CNOT1: variants seen among roughly 807,000 people sequenced by gnomAD.
CNOT1 encodes the protein CCR4-NOT transcription complex subunit 1.
In CNOT1, 15 loss-of-function variants were observed where a neutral mutation model predicts 273.8. The ratio of observed to expected loss-of-function variants is 0.05; its 90% CI spans 0.04 to 0.08. The LOEUF (loss-of-function observed/expected upper bound fraction) is 0.08, where lower values mean the gene tolerates loss of function less well. Among genes scored for constraint, CNOT1 ranks in the 10% least tolerant of loss-of-function variants. The pLI is 1.00. For synonymous variants in CNOT1, 1,022 were observed against 1,005.5 expected (o/e 1.02, Z -0.31); for missense variants, 1,644 against 2,912.2 (o/e 0.56, Z 10.02).
At chr16:58,557,483 T>G (rs2040669982) in intron 18 of CNOT1, among the ~76,000 whole-genome samples, 1 of 152,134 alleles carries the variant, frequency 6.6e-6, no homozygotes, top group Non-Finnish European at 1.5e-5. Flanking sequence ...AATGAATTAA[T>G]CAAAGCTAGA....
intron 11 of CNOT1, among the ~76,000 whole-genome samples, chr16:58,581,098 G>A (rs917093464): frequency 2.7e-5 from 4 of 145,870 alleles, no homozygotes; most frequent in African/African-American, 1.0e-4. Flanking sequence ...GAAACTTAAC[G>A]TTGCCTTGGA....
intron 20 of CNOT1, 111 bp downstream of exon 20, chr16:58,555,673 C>T: frequency 1.9e-6 from 3 of 1,548,732 alleles, no homozygotes; most frequent in Admixed American, 2.0e-5. Context: ...GGTTTCAAAA[C>T]ACAAACCGCT....
At chr16:58,589,552 G>A (rs1367290102) in intron 2 of CNOT1, among the ~76,000 whole-genome samples, 1 of 152,132 alleles carries the variant, frequency 6.6e-6, no homozygotes, top group African/African-American at 2.4e-5. Context: ...GTCAGTCACT[G>A]GCAGGAAGAG....
intron 2 of CNOT1, among the ~76,000 whole-genome samples, chr16:58,594,450 T>C (rs769251100): frequency 6.6e-6 from 1 of 152,090 alleles, no homozygotes; most frequent in Admixed American, 6.6e-5. Context: ...TGAAATTAGA[T>C]AGTGGTTATG....
chr16:58,586,002 T>C (rs1287046173), intron 7 of CNOT1, among the ~76,000 whole-genome samples: 1 of 151,712 alleles, frequency 6.6e-6, no homozygotes, highest in Non-Finnish European at 1.5e-5. Context: ...AAAGAATTCT[T>C]ATCTTTCTCA....
chr16:58,524,186 G>A (rs1320394213), intron 46 of CNOT1, among the ~76,000 whole-genome samples: 2 of 140,004 alleles, frequency 1.4e-5, no homozygotes, highest in Non-Finnish European at 3.0e-5. Flanking sequence ...TGAGGCGGAA[G>A]TTATGGTGAG....
Position 58,532,093 on chromosome 16 carries a change from T to G in CNOT1, c.6060-18A>C. ...ATGTATTGCTGAAAGAAGAAAAACC[T>G]TAGTCAGAAGCACAGTCCAACTTAA... On this transcript the variant is annotated intron_variant, in intron 41 of 48. Transcript: ENST00000317147. 1 of 1,613,762 alleles carries G rather than the reference T, an allele frequency of 6.2e-7. No individual in the cohort carries two copies.
At position 58,520,660 on chromosome 16, in the gene CNOT1, C is replaced by T. The variant is rs1272656109; in HGVS notation, c.*298G>A. On this transcript the variant is annotated 3_prime_UTR_variant, in exon 49 of 49. Coordinates refer to ENST00000317147, the MANE Select transcript of CNOT1 (RefSeq NM_016284.5). Reference sequence around the variant, plus strand: ...CCAGTTTATGTACTTGCCTTGGACACAGCTTGCACAAAGCCAAGAAGTTCC... The same window carrying T: ...CCAGTTTATGTACTTGCCTTGGACATAGCTTGCACAAAGCCAAGAAGTTCC... The T allele has an allele frequency of 2.4e-6, 1 of 408,832 alleles. No homozygotes were observed. Among genetic ancestry groups the T allele is most frequent in the African/African-American group, 2.0e-5 (1 of 50,056 alleles). The allele number at this position is 408,832 out of a possible 1,614,324, so 25.3% of individuals were successfully genotyped here.
intron 2 of CNOT1, chr16:58,598,913 T>C (rs895918989): frequency 1.6e-5 from 4 of 253,186 alleles, no homozygotes; most frequent in East Asian, 8.7e-5. Context: ...CAGCCGGGCA[T>C]GGTGGCACAT....
At chr16:58,562,310 C>G (rs1270609646) in intron 16 of CNOT1, among the ~76,000 whole-genome samples, 1 of 150,930 alleles carries the variant, frequency 6.6e-6, no homozygotes, top group Admixed American at 6.6e-5. Flanking sequence ...CGAGACCAGC[C>G]TGTGAACACA....
chr16:58,551,651 T>A lies in CNOT1; in HGVS notation c.3139A>T (p.Thr1047Ser). The change falls in exon 23 of 49, where the codon ACT becomes TCT. Residue 1047 changes from threonine to serine, a missense_variant. Thr to Ser is a moderately conservative substitution (Grantham distance 58). This residue lies in a region of CNOT1 where 77 missense variants were observed against 90.5 expected (regional missense o/e 0.85). Coordinates refer to ENST00000317147, the MANE Select transcript of CNOT1 (RefSeq NM_016284.5). Reference protein sequence around the residue: ...STMVTTSTTTTVAKTVTVTRP... With the variant: ...STMVTTSTTTSVAKTVTVTRP... ...GTGACCGTAACCGTTTTAGCAACAG[T>A]GGTAGTTGTTGAGGTGGTTACCATA... 4.3e-6 allele frequency: 7 copies of A among 1,614,152 alleles called. No homozygotes were observed. The highest frequency in any genetic ancestry group is 5.9e-6 in the Non-Finnish European group (7 of 1,180,030).
chr16:58,559,088 A>C (rs1469761193), intron 17 of CNOT1, among the ~76,000 whole-genome samples: 1 of 152,224 alleles, frequency 6.6e-6, no homozygotes, highest in Non-Finnish European at 1.5e-5. Context: ...AATTTTATAC[A>C]GTTTTTTTAA....
rs1267543337 is a variant in CNOT1 at position 58,548,695 on chromosome 16, TAGA to T, written c.3523-1016_3523-1014del. 1.1e-5 allele frequency: 5 copies of T among 455,776 alleles called. No homozygotes were observed. In the Admixed American group the frequency reaches 1.3e-4, roughly 12 times the overall value. 28.2% of individuals were successfully genotyped at this position (455,776 alleles called of 1,614,324 possible). ...AATGACCACAGCTGTATGCTGGTTC[TAGA>T]AGTTTTTCCTCCTAAGAAATAAATG... On this transcript the variant is annotated intron_variant, in intron 25 of 48. Transcript: ENST00000317147.
intron 1 of CNOT1, among the ~76,000 whole-genome samples, chr16:58,608,664 A>ACC (rs2042778046): frequency 3.0e-5 from 2 of 66,832 alleles, no homozygotes; most frequent in African/African-American, 1.6e-4. Flanking sequence ...AGATACTTGC[A>ACC]CACGTTTACA....
chr16:58,541,472 A>T (rs752318015), intron 34 of CNOT1, 29 bp downstream of exon 34: 2 of 1,596,384 alleles, frequency 1.3e-6, no homozygotes, highest in African/African-American at 1.4e-5. Flanking sequence ...AATTGGCAAA[A>T]CACTCAATTT....
intron 45 of CNOT1, 121 bp from the exon 46 acceptor site, chr16:58,525,480 T>C (rs2039552987): frequency 5.2e-6 from 4 of 774,506 alleles, no homozygotes; most frequent in East Asian, 2.7e-5. Flanking sequence ...TGTGATTCAC[T>C]TGCTTGAATT....
chr16:58,589,402 A>G (rs1412618793), intron 2 of CNOT1, among the ~76,000 whole-genome samples: 1 of 152,004 alleles, frequency 6.6e-6, no homozygotes, highest in Non-Finnish European at 1.5e-5. Flanking sequence ...AACCCCAGCT[A>G]CTCGCGAGGC....
intron 21 of CNOT1, among the ~76,000 whole-genome samples, chr16:58,554,762 C>A (rs192855855): frequency 6.6e-6 from 1 of 151,546 alleles, no homozygotes; most frequent in East Asian, 2.0e-4. Flanking sequence ...ATGGTGGAAC[C>A]CTGTCTCTAC....
chr16:58,594,766 C>T (rs1339749422), intron 2 of CNOT1, among the ~76,000 whole-genome samples: 2 of 150,080 alleles, frequency 1.3e-5, no homozygotes, highest in Non-Finnish European at 3.0e-5. Flanking sequence ...TATGCCACTG[C>T]ACTCCAGCCT....
Sources: gnomAD v4.1 joint callset for allele counts (sites outside exome capture counted in the v4.1 genomes callset) on GRCh38, gnomAD v4.1.1 for gene constraint, gnomAD v4.1.1 regional missense constraint, MANE v1.5 for transcripts, NCBI Gene and HGNC (gene_info 2026-07-23, HGNC 2026-07-21) for gene names.